CBY1: variants seen among roughly 807,000 people sequenced by gnomAD.
CBY1 encodes the protein chibby 1, beta catenin antagonist.
Under a neutral mutation model 15.6 loss-of-function variants are expected in CBY1, and 10 were observed. The ratio of observed to expected loss-of-function variants is 0.64; its 90% CI spans 0.40 to 1.09. The LOEUF is 1.09. Ranked by LOEUF, CBY1 falls within the 50% of genes least tolerant of loss-of-function variation. The pLI is 0.01. For missense variants in CBY1, 150 were observed against 160.5 expected (o/e 0.93, Z 0.35); for synonymous variants, 61 against 63.5 (o/e 0.96, Z 0.19).
intron 4 of CBY1, chr22:38,671,483 T>C (rs917913777): frequency 3.4e-5 from 13 of 382,958 alleles, no homozygotes; most frequent in African/African-American, 2.1e-4. Flanking sequence ...GAGGAAGGGA[T>C]ATCTGAGCTG....
intron 1 of CBY1, chr22:38,666,793 C>G (rs2092437714): frequency 1.3e-5 from 2 of 151,938 alleles, no homozygotes; most frequent in Non-Finnish European, 2.9e-5. Flanking sequence ...ACCTCTGCCT[C>G]CTGGGTTCAA....
At chr22:38,658,346 G>A (rs1173311712) in intron 1 of CBY1, among the ~76,000 whole-genome samples, 1 of 151,974 alleles carries the variant, frequency 6.6e-6, no homozygotes, top group African/African-American at 2.4e-5. Flanking sequence ...GGATAGTCTC[G>A]ATCTCTTGAC....
At position 38,657,804 on chromosome 22, in the gene CBY1, G is replaced by T. The variant is rs148422824; in HGVS notation, c.-39+1054G>T. Among the ~76,000 whole-genome samples the T allele has an allele frequency of 5.6e-3, 847 of 152,298 alleles. 6 individuals are homozygous for T. Among genetic ancestry groups the T allele is most frequent in the African/African-American group, 0.019 (801 of 41,564 alleles). On this transcript the variant is annotated intron_variant, in intron 1 of 4. Coordinates refer to ENST00000216029, the MANE Select transcript of CBY1 (RefSeq NM_015373.4). ...TCCAGCCCATGTGCTCAGGCCCAGT[G>T]CAGTTAGCATCAGTGGGGACTTGAC...
chr22:38,666,965 G>A (rs1212026380), intron 1 of CBY1, among the ~76,000 whole-genome samples: 1 of 149,422 alleles, frequency 6.7e-6, no homozygotes, highest in African/African-American at 2.5e-5. Context: ...GCCTCCCAAA[G>A]TGCTGGGATT....
chr22:38,671,970 AAAAAAGGAC>A (rs2092453652), intron 4 of CBY1, among the ~76,000 whole-genome samples: 1 of 149,388 alleles, frequency 6.7e-6, no homozygotes, highest in Non-Finnish European at 1.5e-5. Flanking sequence ...TTTTTTTTTT[AAAAAAGGAC>A]TAGGCTGGGC....
chr22:38,662,372 CCT>C (rs1327430600), intron 1 of CBY1, among the ~76,000 whole-genome samples: 2 of 151,922 alleles, frequency 1.3e-5, no homozygotes, highest in Middle Eastern at 3.4e-3. Flanking sequence ...AACACTAACC[CCT>C]GTTTTACATC....
At chr22:38,660,973 A>C (rs1389017412) in intron 1 of CBY1, among the ~76,000 whole-genome samples, 1 of 152,084 alleles carries the variant, frequency 6.6e-6, no homozygotes, top group Non-Finnish European at 1.5e-5. Context: ...TCTCCAGCAG[A>C]AACAGTGCCA....
chr22:38,671,597 T>C (rs2092452753), intron 4 of CBY1: 1 of 261,652 alleles, frequency 3.8e-6, no homozygotes, highest in East Asian at 9.4e-5. Context: ...AAGTAGGCAT[T>C]AATCAGTGCC....
At position 38,673,583 on chromosome 22, in the gene CBY1, G is replaced by C. The variant is rs1433995611; in HGVS notation, c.*347G>C. 8.5e-6 allele frequency: 2 copies of C among 236,658 alleles called. No individual in the cohort carries two copies. Among genetic ancestry groups the C allele is most frequent in the Admixed American group, 4.6e-5 (1 of 21,700 alleles). The allele number at this position is 236,658 out of a possible 1,614,324, so 14.7% of individuals were successfully genotyped here. On this transcript the variant is annotated 3_prime_UTR_variant, in exon 5 of 5. Transcript: ENST00000216029. ...TGGGTTGTGTTGGGAGAAGCGGCTG[G>C]AGTTCATTCTCTCACCCCCTTATGT...
At chr22:38,665,934 C>T (rs2092434534) in intron 1 of CBY1, among the ~76,000 whole-genome samples, 1 of 151,532 alleles carries the variant, frequency 6.6e-6, no homozygotes, top group African/African-American at 2.4e-5. Flanking sequence ...ATTTACAAGG[C>T]TGAGGCACAG....
intron 1 of CBY1, 152 bp downstream of exon 1, chr22:38,656,902 C>T (rs1306474974): frequency 6.5e-6 from 1 of 152,766 alleles, no homozygotes; most frequent in African/African-American, 2.4e-5. Context: ...CGGTGGCCGC[C>T]CTCCTCTGTG....
chr22:38,673,177 G>C lies in CBY1; in HGVS notation c.322G>C (p.Glu108Gln). ...LLDMLSESTAESHLMEKELDE... is the reference protein window; with the variant it reads ...LLDMLSESTAQSHLMEKELDE... ...CTTTCAGCTTTCAGAGTCCACTGCT[G>C]AATCCCACTTAATGGAGAAGGAACT... Residue 108 changes from glutamate (E) to glutamine (Q), a missense_variant, in exon 5 of 5, where the codon GAA becomes CAA. Transcript: ENST00000216029. The C allele has an allele frequency of 1.2e-6, 2 of 1,611,982 alleles. No individual in the cohort carries two copies. Among genetic ancestry groups the C allele is most frequent in the Non-Finnish European group, 1.7e-6 (2 of 1,178,160 alleles).
chr22:38,669,519 G>A (rs1281211280), intron 2 of CBY1, among the ~76,000 whole-genome samples: 1 of 152,128 alleles, frequency 6.6e-6, no homozygotes, highest in Non-Finnish European at 1.5e-5. Context: ...ATACTTTAAC[G>A]GAAGGCTACA....
chr22:38,662,104 C>T (rs2092423697), intron 1 of CBY1, among the ~76,000 whole-genome samples: 1 of 152,068 alleles, frequency 6.6e-6, no homozygotes, highest in South Asian at 2.1e-4. Context: ...GAGTTCGTGA[C>T]CAGCCTGGGC....
chr22:38,670,229 C>CA (rs200673828), intron 2 of CBY1: 21 of 151,302 alleles, frequency 1.4e-4, no homozygotes, highest in East Asian at 3.9e-4. Flanking sequence ...GACTCCGTCT[C>CA]AAAAAAAACC....
chr22:38,669,088 C>T (rs547950039), intron 2 of CBY1, among the ~76,000 whole-genome samples: 6 of 152,336 alleles, frequency 3.9e-5, no homozygotes, highest in East Asian at 3.9e-4. Context: ...GACTTGAAGT[C>T]GGTCCTCCCC....
chr22:38,661,870 G>A (rs1260421558), intron 1 of CBY1, among the ~76,000 whole-genome samples: 3 of 152,128 alleles, frequency 2.0e-5, no homozygotes, highest in Non-Finnish European at 1.5e-5. Context: ...TGTAGTGAAG[G>A]AAGACCTTAC....
chr22:38,671,133 A>G lies in CBY1; in HGVS notation c.248A>G (p.Gln83Arg). Residue 83 changes from glutamine to arginine, a missense_variant, in exon 4 of 5, where the codon CAG becomes CGG. Coordinates refer to ENST00000216029, the MANE Select transcript of CBY1 (RefSeq NM_015373.4). The part of the protein sequence containing the change: ...EVQRLRRRNQ[Q>R]LEEENNLLRL... ...CAGCGCCTTCGCAGGCGGAACCAGC[A>G]GTTGGAGGAAGAGAACAATCTCTTG... is the stretch of plus-strand genomic sequence containing the variant. 6.2e-7 allele frequency: 1 copy of G among 1,614,232 alleles called. No homozygotes were observed. The highest frequency in any genetic ancestry group is 8.5e-7 in the Non-Finnish European group (1 of 1,180,030).
At chr22:38,657,108 A>G in intron 1 of CBY1, 1 of 984,172 alleles carries the variant, frequency 1.0e-6, no homozygotes, top group Non-Finnish European at 1.2e-6. Context: ...ATCCGATGAA[A>G]ACCAGAGATT....
Sources: gnomAD v4.1 joint callset for allele counts (sites outside exome capture counted in the v4.1 genomes callset) on GRCh38, gnomAD v4.1.1 for gene constraint, MANE v1.5 for transcripts, NCBI Gene and HGNC (gene_info 2026-07-23, HGNC 2026-07-21) for gene names.